RAPGEF6: variants seen among roughly 807,000 people sequenced by gnomAD.
RAPGEF6 encodes PDZ domain containing guanine nucleotide exchange factor (GEF) 2.
Under a neutral mutation model 171.4 loss-of-function variants are expected in RAPGEF6, and 56 were observed. The observed-to-expected ratio is 0.33, with a 90% CI of 0.26 to 0.41. RAPGEF6 has a LOEUF of 0.41. RAPGEF6 is among the 10% of genes least tolerant of loss of function. The probability of loss-of-function intolerance (pLI) is 1.00; values close to 1 mark genes in which losing one functional copy is unlikely to be tolerated. For missense variants in RAPGEF6, 1,674 were observed against 1,921.4 expected (o/e 0.87, Z 2.41); for synonymous variants, 692 against 650.1 (o/e 1.06, Z -0.98).
chr5:131,542,439 C>T (rs1359486861), intron 6 of RAPGEF6, among the ~76,000 whole-genome samples: 1 of 152,084 alleles, frequency 6.6e-6, no homozygotes, highest in African/African-American at 2.4e-5. Flanking sequence ...ATACAACTTG[C>T]CCAAAGTTAC....
chr5:131,607,197 G>A (rs1764654958), intron 1 of RAPGEF6, among the ~76,000 whole-genome samples: 2 of 152,196 alleles, frequency 1.3e-5, no homozygotes, highest in African/African-American at 4.8e-5. Flanking sequence ...GAACAAGACA[G>A]TAAATAAAAG....
At chr5:131,611,114 A>C (rs1355707107) in intron 1 of RAPGEF6, among the ~76,000 whole-genome samples, 2 of 152,170 alleles carry the variant, frequency 1.3e-5, no homozygotes, top group Admixed American at 6.5e-5. Context: ...GTGCAGTCTA[A>C]GGCTCTTCCA....
At chr5:131,483,157 TG>T (rs1274136073) in intron 15 of RAPGEF6, among the ~76,000 whole-genome samples, 2 of 151,980 alleles carry the variant, frequency 1.3e-5, no homozygotes, top group Non-Finnish European at 2.9e-5. Flanking sequence ...GGGACCAGCT[TG>T]GCCAAAATGG....
At chr5:131,488,316 A>T (rs1214475809) in intron 15 of RAPGEF6, among the ~76,000 whole-genome samples, 2 of 152,178 alleles carry the variant, frequency 1.3e-5, no homozygotes, top group Non-Finnish European at 2.9e-5. Flanking sequence ...TCTTTATGTG[A>T]CGGGTACAAA....
intron 5 of RAPGEF6, among the ~76,000 whole-genome samples, chr5:131,560,892 T>C (rs1761556519): frequency 2.6e-5 from 4 of 152,252 alleles, no homozygotes; most frequent in Non-Finnish European, 2.9e-5. Flanking sequence ...AATCTGACTA[T>C]AGCACCATGA....
chr5:131,463,942 C>A, intron 18 of RAPGEF6, 99 bp downstream of exon 18: 1 of 1,481,654 alleles, frequency 6.7e-7, no homozygotes, highest in Non-Finnish European at 8.9e-7. Context: ...TTTAGGAGCA[C>A]TAAAACATGA....
intron 4 of RAPGEF6, among the ~76,000 whole-genome samples, chr5:131,581,944 G>T (rs1481836279): frequency 6.6e-6 from 1 of 152,144 alleles, no homozygotes; most frequent in Non-Finnish European, 1.5e-5. Flanking sequence ...CCTTGTGAAT[G>T]TATTTTGTAA....
chr5:131,439,713 T>G lies in RAPGEF6; in HGVS notation c.3613A>C (p.Thr1205Pro). Reference protein sequence around the residue: ...KGQTKDPALNTSLPQKVLGTT... With the variant: ...KGQTKDPALNPSLPQKVLGTT... ...CCTAAAACTTTCTGAGGTAAACTTG[T>G]ATCTAAAAATAAAACCAAAGATGCA... Residue 1205 changes from threonine (T) to proline (P), a missense_variant and splice_region_variant, in exon 24 of 28, where the codon ACA becomes CCA. By Grantham distance (38) the Thr-to-Pro change is conservative. Transcript: ENST00000509018. 6.2e-7 allele frequency: 1 copy of G among 1,608,934 alleles called. No individual in the cohort carries two copies. Among genetic ancestry groups the G allele is most frequent in the Non-Finnish European group, 8.5e-7 (1 of 1,178,664 alleles).
At chr5:131,557,071 A>C (rs772016023) in intron 5 of RAPGEF6, among the ~76,000 whole-genome samples, 1 of 152,182 alleles carries the variant, frequency 6.6e-6, no homozygotes, top group Non-Finnish European at 1.5e-5. Flanking sequence ...CACCCAGCTT[A>C]AGTACTTCTC....
chr5:131,598,756 T>A (rs953966239), intron 3 of RAPGEF6, among the ~76,000 whole-genome samples: 11 of 152,202 alleles, frequency 7.2e-5, no homozygotes, highest in African/African-American at 2.2e-4. Flanking sequence ...AGAATATACA[T>A]GTTTGCAGAT....
At chr5:131,528,307 T>TG (rs1473617406) in intron 6 of RAPGEF6, among the ~76,000 whole-genome samples, 1 of 32,760 alleles carries the variant, frequency 3.1e-5, no homozygotes, top group Non-Finnish European at 6.7e-5. Context: ...AAATAATATA[T>TG]TTATATTATA....
intron 6 of RAPGEF6, among the ~76,000 whole-genome samples, chr5:131,522,505 T>C (rs1044253826): frequency 6.6e-5 from 10 of 152,212 alleles, no homozygotes; most frequent in Non-Finnish European, 1.2e-4. Flanking sequence ...TCTGAGGGAA[T>C]GACTGAGTCT....
rs1756798057 is a variant in RAPGEF6, at chr5:131,498,595, G to A, written c.1267C>T (p.Arg423Cys). The change falls in exon 12 of 28, where the codon CGT becomes TGT. Residue 423 changes from arginine (R) to cysteine (C), a missense_variant. By Grantham distance (180) the Arg-to-Cys change is radical. Transcript: ENST00000509018. ...TCTTCTATTAAATGCATTATGAGAC[G>A]CTCAGGTGTTGCCTAAAAATCCAAG... The part of the protein sequence containing the change: ...GHIVIKATPE[R>C]LIMHLIEEHS... The A allele has an allele frequency of 2.5e-6, 4 of 1,612,584 alleles. No individual in the cohort carries two copies. Among genetic ancestry groups the A allele is most frequent in the Non-Finnish European group, 2.5e-6 (3 of 1,179,496 alleles).
chr5:131,561,698 A>C (rs2149967298), intron 5 of RAPGEF6, among the ~76,000 whole-genome samples: 1 of 151,220 alleles, frequency 6.6e-6, no homozygotes, highest in African/African-American at 2.4e-5. Context: ...TTGAAAACTC[A>C]TGGTCCCCTT....
chr5:131,603,725 A>C (rs1448331708), intron 2 of RAPGEF6, among the ~76,000 whole-genome samples: 1 of 152,148 alleles, frequency 6.6e-6, no homozygotes, highest in Non-Finnish European at 1.5e-5. Flanking sequence ...GTTTGCAATA[A>C]AAAATATTTT....
chr5:131,471,588 C>T (rs1157366516), intron 17 of RAPGEF6, among the ~76,000 whole-genome samples: 1 of 152,118 alleles, frequency 6.6e-6, no homozygotes, highest in Non-Finnish European at 1.5e-5. Context: ...TTATATGTTT[C>T]AGTGCTTAAT....
intron 3 of RAPGEF6, among the ~76,000 whole-genome samples, chr5:131,601,083 CAA>C (rs34701964): frequency 3.7e-5 from 5 of 134,252 alleles, no homozygotes; most frequent in Admixed American, 1.5e-4. Flanking sequence ...AACTCCATTT[CAA>C]AAAAAAAAAA....
chr5:131,587,449 G>A (rs1280876484), intron 4 of RAPGEF6, among the ~76,000 whole-genome samples: 1 of 152,152 alleles, frequency 6.6e-6, no homozygotes, highest in Non-Finnish European at 1.5e-5. Context: ...CTGCTTCTAG[G>A]TAATGACAAT....
intron 20 of RAPGEF6, among the ~76,000 whole-genome samples, chr5:131,454,335 C>T (rs187116088): frequency 6.6e-6 from 1 of 152,260 alleles, no homozygotes; most frequent in East Asian, 1.9e-4. Context: ...AGATATGGAA[C>T]ATCATTCAAA....
Sources: gnomAD v4.1 joint callset for allele counts (sites outside exome capture counted in the v4.1 genomes callset) on GRCh38, gnomAD v4.1.1 for gene constraint, MANE v1.5 for transcripts, NCBI Gene and HGNC (gene_info 2026-07-23, HGNC 2026-07-21) for gene names.